Variants in SETBP1 observed in about 807,000 individuals in gnomAD.
SETBP1 encodes SET binding protein 1.
SETBP1 carries 9 observed loss-of-function variants against 101.0 expected under a neutral mutation model. The observed-to-expected ratio is 0.09, with a 90% CI of 0.05 to 0.16. The LOEUF is 0.16. Among genes scored for constraint, SETBP1 ranks in the 10% least tolerant of loss-of-function variants. The pLI is 1.00. For missense variants in SETBP1, 1,858 were observed against 2,033.8 expected (o/e 0.91, Z 1.66); for synonymous variants, 818 against 788.5 (o/e 1.04, Z -0.63).
At chr18:44,813,444 C>A (rs913424061) in intron 2 of SETBP1, among the ~76,000 whole-genome samples, 6 of 152,144 alleles carry the variant, frequency 3.9e-5, no homozygotes, top group South Asian at 2.1e-4. Flanking sequence ...ATTGGCCTTG[C>A]AAGCTCTTGA....
intron 4 of SETBP1, among the ~76,000 whole-genome samples, chr18:44,999,494 T>A (rs1024632667): frequency 6.6e-6 from 1 of 152,146 alleles, no homozygotes; most frequent in African/African-American, 2.4e-5. Context: ...GTCTACTGAG[T>A]GATACCTGAA....
At chr18:44,698,841 T>A (rs936683814) in intron 1 of SETBP1, among the ~76,000 whole-genome samples, 3 of 152,184 alleles carry the variant, frequency 2.0e-5, no homozygotes, top group Non-Finnish European at 4.4e-5. Context: ...CAGAAAAAAA[T>A]TTTTTGTATT....
intron 4 of SETBP1, among the ~76,000 whole-genome samples, chr18:44,981,483 A>G (rs2072111763): frequency 6.6e-6 from 1 of 152,250 alleles, no homozygotes; most frequent in Non-Finnish European, 1.5e-5. Context: ...TGACAAGGGA[A>G]ACAACTTTCA....
intron 2 of SETBP1, among the ~76,000 whole-genome samples, chr18:44,810,794 C>G (rs1198439151): frequency 6.6e-6 from 1 of 152,136 alleles, no homozygotes; most frequent in African/African-American, 2.4e-5. Flanking sequence ...TTTTCTTGCT[C>G]AGAAATATTA....
chr18:44,994,450 C>G (rs191504367), intron 4 of SETBP1, among the ~76,000 whole-genome samples: 49 of 152,218 alleles, frequency 3.2e-4, no homozygotes, highest in African/African-American at 1.1e-3. Flanking sequence ...CCAGTTGACA[C>G]AAAAATTTTG....
chr18:44,880,670 C>G, intron 3 of SETBP1, among the ~76,000 whole-genome samples: 1 of 152,144 alleles, frequency 6.6e-6, no homozygotes, highest in East Asian at 1.9e-4. Flanking sequence ...AAAGGGAAAG[C>G]AGGCACATCA....
In SETBP1 at chr18:44,680,980, A is replaced by G. The variant is rs1161930975; in HGVS notation, c.-214A>G. On this transcript the variant is annotated 5_prime_UTR_variant, in exon 1 of 6. An upstream open reading frame in the 5' UTR loses its in-frame stop. Transcript: ENST00000649279. ...ATGTATCAGAATCTAACGTGTCGTT[A>G]ATAGAAAGAAGAACAGGCAAGAAGT... The G allele has an allele frequency of 1.3e-5, 2 of 152,232 alleles. No homozygotes were observed. The highest frequency in any genetic ancestry group is 2.9e-5 in the Non-Finnish European group (2 of 68,110). The allele number at this position is 152,232 out of a possible 1,614,324, so 9.4% of individuals were successfully genotyped here.
intron 4 of SETBP1, among the ~76,000 whole-genome samples, chr18:44,998,999 C>T (rs1026718913): frequency 1.3e-5 from 2 of 152,156 alleles, no homozygotes; most frequent in East Asian, 1.9e-4. Flanking sequence ...GATGTAGAAC[C>T]GTCTGGTTCT....
intron 2 of SETBP1, among the ~76,000 whole-genome samples, chr18:44,866,487 G>T (rs1362157415): frequency 2.0e-5 from 3 of 152,210 alleles, no homozygotes; most frequent in Non-Finnish European, 4.4e-5. Context: ...AACACATTGA[G>T]ATATGCAAAA....
chr18:45,051,500 T>C (rs932119890), intron 5 of SETBP1, among the ~76,000 whole-genome samples: 2 of 152,198 alleles, frequency 1.3e-5, no homozygotes, highest in African/African-American at 4.8e-5. Context: ...ATACATGTGC[T>C]GGGGCAAGGG....
chr18:44,934,148 T>G (rs2070904359), intron 3 of SETBP1, among the ~76,000 whole-genome samples: 1 of 148,930 alleles, frequency 6.7e-6, no homozygotes, highest in Non-Finnish European at 1.5e-5. Flanking sequence ...GTTTTCCCTT[T>G]TTTTTTTTTT....
chr18:44,837,617 A>T (rs1280953117), intron 2 of SETBP1, among the ~76,000 whole-genome samples: 1 of 152,174 alleles, frequency 6.6e-6, no homozygotes, highest in African/African-American at 2.4e-5. Flanking sequence ...TGGAAAATGC[A>T]GGTGTTTTGC....
chr18:44,884,691 A>G (rs1043089757), intron 3 of SETBP1, among the ~76,000 whole-genome samples: 2 of 152,170 alleles, frequency 1.3e-5, no homozygotes, highest in East Asian at 3.9e-4. Context: ...GAGATGACAC[A>G]TGGCAAATGT....
Position 44,951,811 on chromosome 18 carries a change from G to A in SETBP1, c.2471G>A (p.Ser824Asn). 1.9e-6 allele frequency: 3 copies of A among 1,614,042 alleles called. No homozygotes were observed. The highest frequency in any genetic ancestry group is 2.5e-6 in the Non-Finnish European group (3 of 1,180,026). ...ACCAAAACCCAAAAGGGAATACACA[G>A]TGGAACCTGGAAGCTGTCTCCACCC... ...LPTKTQKGIH[S>N]GTWKLSPPRL... Residue 824 changes from serine (S) to asparagine (N), a missense_variant, in exon 4 of 6, where the codon AGT (serine) becomes AAT (asparagine). By Grantham distance (46) the Ser-to-Asn change is conservative. Coordinates refer to ENST00000649279, the MANE Select transcript of SETBP1 (RefSeq NM_015559.3). This position sits in a 1 kb window ranked among gnomAD's most constrained non-coding sequence, Gnocchi z 7.8.
chr18:44,706,259 C>T (rs1428269521), intron 2 of SETBP1, among the ~76,000 whole-genome samples: 4 of 152,086 alleles, frequency 2.6e-5, no homozygotes, highest in Non-Finnish European at 5.9e-5. Context: ...TAGATTAAAA[C>T]AACAGAGACC....
chr18:44,745,133 C>A (rs982389099), intron 2 of SETBP1, among the ~76,000 whole-genome samples: 8 of 152,222 alleles, frequency 5.3e-5, no homozygotes, highest in Admixed American at 2.0e-4. Flanking sequence ...CCCTGCCCGG[C>A]CCCCTTTTGG....
intron 3 of SETBP1, among the ~76,000 whole-genome samples, chr18:44,887,784 T>C (rs1055830935): frequency 6.6e-6 from 1 of 152,030 alleles, no homozygotes; most frequent in Non-Finnish European, 1.5e-5. Context: ...AAGTGGCCAA[T>C]TGTGTCCCGG....
intron 4 of SETBP1, among the ~76,000 whole-genome samples, chr18:45,028,660 T>C (rs960306153): frequency 2.6e-5 from 4 of 152,230 alleles, no homozygotes; most frequent in Non-Finnish European, 5.9e-5. Context: ...CTCCACATCC[T>C]CTCCAGCACC....
intron 3 of SETBP1, among the ~76,000 whole-genome samples, chr18:44,879,241 T>C (rs1200846400): frequency 1.3e-5 from 2 of 152,240 alleles, no homozygotes; most frequent in African/African-American, 2.4e-5. Flanking sequence ...CATTTTCCAT[T>C]ACTTTATAGT....
Sources: allele counts gnomAD v4.1 joint callset (sites outside exome capture counted in the v4.1 genomes callset), GRCh38; gene constraint gnomAD v4.1.1; non-coding constraint Gnocchi (gnomAD v3.1); transcripts MANE v1.5; gene names NCBI Gene and HGNC (gene_info 2026-07-23, HGNC 2026-07-21).